The following GPHN variants were observed in gnomAD, a reference collection of about 807,000 sequenced individuals.
GPHN encodes the protein gephyrin.
A neutral mutation model predicts 95.5 loss-of-function variants in GPHN; 17 were observed. The ratio of observed to expected loss-of-function variants is 0.18; its 90% CI spans 0.12 to 0.27. GPHN has a LOEUF of 0.27. Ranked by LOEUF, GPHN falls within the 10% of genes least tolerant of loss-of-function variation. GPHN has a pLI of 1.00. For synonymous variants in GPHN, 320 were observed against 322.5 expected, an observed-to-expected ratio of 0.99 and a Z score of 0.08; for missense variants, 660 against 978.1, an observed-to-expected ratio of 0.67 and a Z score of 4.34.
chr14:66,832,404 A>G (rs2061613856), intron 4 of GPHN, among the ~76,000 whole-genome samples: 2 of 152,190 alleles, frequency 1.3e-5, no homozygotes, highest in African/African-American at 4.8e-5. Flanking sequence ...AGCTCCAAAT[A>G]CTTTTGCTAC....
At chr14:67,515,644 C>G in the GPHN span, among the ~76,000 whole-genome samples, 1 of 152,170 alleles carries the variant, frequency 6.6e-6, no homozygotes, top group Non-Finnish European at 1.5e-5. Context: ...GCGCAGGTGG[C>G]TGCGGTGCAG....
the GPHN span, among the ~76,000 whole-genome samples, chr14:67,372,082 T>C: frequency 6.6e-6 from 1 of 152,032 alleles, no homozygotes; most frequent in Non-Finnish European, 1.5e-5. Context: ...CTGGGCAACA[T>C]AGCAGGACCT....
the GPHN span, among the ~76,000 whole-genome samples, chr14:67,466,481 G>A: frequency 3.3e-5 from 5 of 152,214 alleles, no homozygotes; most frequent in East Asian, 1.9e-4. Flanking sequence ...GAAATGGCAT[G>A]GATGGTTGTT....
At chr14:67,492,831 T>C in the GPHN span, among the ~76,000 whole-genome samples, 2 of 152,228 alleles carry the variant, frequency 1.3e-5, no homozygotes, top group Non-Finnish European at 2.9e-5. Context: ...GAAGGCCAGG[T>C]ACTGTACCAT....
chr14:66,806,560 C>G (rs1446646670), intron 3 of GPHN, among the ~76,000 whole-genome samples: 1 of 152,156 alleles, frequency 6.6e-6, no homozygotes, highest in Admixed American at 6.5e-5. Context: ...TTTAACAGCA[C>G]CCAAGTCACC....
chr14:66,663,653 A>G (rs1464758104), intron 1 of GPHN, among the ~76,000 whole-genome samples: 1 of 152,182 alleles, frequency 6.6e-6, no homozygotes, highest in Non-Finnish European at 1.5e-5. Context: ...TCAAATGAAA[A>G]TGGGATAAAT....
chr14:67,370,617 T>C, the GPHN span, among the ~76,000 whole-genome samples: 1 of 152,166 alleles, frequency 6.6e-6, no homozygotes, highest in East Asian at 1.9e-4. Flanking sequence ...TCAGGTGAAA[T>C]TAGTGAATTC....
intron 3 of GPHN, among the ~76,000 whole-genome samples, chr14:66,795,099 AATAG>A (rs1402093543): frequency 3.9e-5 from 6 of 152,128 alleles, no homozygotes; most frequent in African/African-American, 7.2e-5. Context: ...AAATAAAATA[AATAG>A]ATAGACAGAT....
chr14:67,273,838 A>T, the GPHN span, among the ~76,000 whole-genome samples: 3 of 152,102 alleles, frequency 2.0e-5, no homozygotes, highest in South Asian at 4.1e-4. Flanking sequence ...ATGGTATCTC[A>T]TTGTGGTTTT....
the GPHN span, among the ~76,000 whole-genome samples, chr14:67,593,019 T>G: frequency 6.6e-6 from 1 of 152,228 alleles, no homozygotes; most frequent in East Asian, 1.9e-4. Flanking sequence ...ACTCCCGACC[T>G]TAGGTGATCC....
At chr14:67,682,843 G>A in the GPHN span, among the ~76,000 whole-genome samples, 1 of 152,188 alleles carries the variant, frequency 6.6e-6, no homozygotes, top group Non-Finnish European at 1.5e-5. Flanking sequence ...CCCATCACCT[G>A]ATGAATGAAT....
chr14:67,726,865 C>T, the GPHN span: 12 of 857,110 alleles, frequency 1.4e-5, no homozygotes, highest in African/African-American at 2.0e-4. Flanking sequence ...CTCATGGCAT[C>T]AAAATTGGTT....
At chr14:67,414,146 A>T in the GPHN span, among the ~76,000 whole-genome samples, 2 of 152,192 alleles carry the variant, frequency 1.3e-5, no homozygotes, top group Non-Finnish European at 2.9e-5. Context: ...GGCTTAGAAG[A>T]AGTGGCATTT....
chr14:67,256,340 A>G, the GPHN span, among the ~76,000 whole-genome samples: 163 of 152,274 alleles, frequency 1.1e-3, no homozygotes, highest in African/African-American at 3.7e-3. Flanking sequence ...TCAGTTCATA[A>G]AGAGCTTCAT....
the GPHN span, chr14:67,320,321 A>G: frequency 6.2e-7 from 1 of 1,613,946 alleles, no homozygotes; most frequent in Admixed American, 1.7e-5. Context: ...TGATTGGTCC[A>G]CAGAACTGTG....
At chr14:67,441,981 A>G in the GPHN span, 1 of 153,896 alleles carries the variant, frequency 6.5e-6, no homozygotes, top group Non-Finnish European at 1.5e-5. Flanking sequence ...GAAATTCCAG[A>G]CTAATATAGG....
chr14:67,389,556 G>C, the GPHN span, among the ~76,000 whole-genome samples: 1 of 152,176 alleles, frequency 6.6e-6, no homozygotes, highest in Middle Eastern at 3.4e-3. Flanking sequence ...ATCTATGTAT[G>C]TATATGAGCA....
At chr14:67,202,626 G>T in the GPHN span, among the ~76,000 whole-genome samples, 228 of 152,250 alleles carry the variant, frequency 1.5e-3, 3 homozygotes, top group East Asian at 0.032. Context: ...TGGCTCTATG[G>T]AATTTAAACT....
chr14:67,644,116 C>G, the GPHN span, among the ~76,000 whole-genome samples: 1 of 152,190 alleles, frequency 6.6e-6, no homozygotes, highest in East Asian at 1.9e-4. Context: ...TATATTGCAG[C>G]CATGTTACTG....
Sources: gnomAD v4.1 joint callset for allele counts (sites outside exome capture counted in the v4.1 genomes callset) on GRCh38, gnomAD v4.1.1 for gene constraint, MANE v1.5 for transcripts, NCBI Gene and HGNC (gene_info 2026-07-23, HGNC 2026-07-21) for gene names.